KCNA6: variants seen among roughly 807,000 people sequenced by gnomAD.
KCNA6 encodes the protein human brain potassium channel-2.
KCNA6 carries 17 observed loss-of-function variants against 29.5 expected under a neutral mutation model. That is an observed-to-expected ratio of 0.58 (90% CI 0.39 to 0.86). KCNA6 has a LOEUF of 0.86. Ranked by LOEUF, KCNA6 falls within the 40% of genes least tolerant of loss-of-function variation. KCNA6 has a pLI of 0.00. For missense variants in KCNA6, 450 were observed against 703.4 expected (o/e 0.64, Z 4.07); for synonymous variants, 296 against 304.7 (o/e 0.97, Z 0.30).
chr12:4,819,029 T>C, the KCNA6 span, among the ~76,000 whole-genome samples: 719 of 152,230 alleles, frequency 4.7e-3, 5 homozygotes, highest in African/African-American at 0.016. Flanking sequence ...CATATGCACA[T>C]GTATACACAC....
chr12:4,849,002 C>A, the KCNA6 span, among the ~76,000 whole-genome samples: 1 of 144,304 alleles, frequency 6.9e-6, no homozygotes, highest in Admixed American at 7.1e-5. Context: ...CGCCTGTAAT[C>A]CCGGCTACTC....
chr12:4,844,810 C>A, the KCNA6 span, among the ~76,000 whole-genome samples: 3 of 152,178 alleles, frequency 2.0e-5, no homozygotes, highest in Non-Finnish European at 4.4e-5. The surrounding 1 kb of genome is among the most constrained non-coding windows in gnomAD (Gnocchi z 4.0). Flanking sequence ...TTATCACTAT[C>A]AAAGACTATT....
At chr12:4,809,942 C>A (rs1339493854) in exon 1 of KCNA6, 1 of 1,402,164 alleles carries the variant, frequency 7.1e-7, no homozygotes, top group Non-Finnish European at 9.4e-7. Context: ...GGGCCCCACC[C>A]TAAAGAGGGC....
At chr12:4,844,180 C>T in the KCNA6 span, among the ~76,000 whole-genome samples, 31 of 152,318 alleles carry the variant, frequency 2.0e-4, no homozygotes, top group African/African-American at 6.5e-4. The surrounding 1 kb of genome is among the most constrained non-coding windows in gnomAD (Gnocchi z 4.0). Context: ...ATGGATGCAT[C>T]GGCAAACAAA....
Position 4,810,389 on chromosome 12 carries a change from T to C in KCNA6, c.348T>C (p.Ile116=). 1 of 1,614,130 alleles carries C rather than the reference T, an allele frequency of 6.2e-7. No individual in the cohort carries two copies. Among genetic ancestry groups the C allele is most frequent in the Admixed American group, 1.7e-5 (1 of 60,028 alleles). Residue 116 remains isoleucine (I), a synonymous_variant, in exon 1 of 1, where the codon ATT becomes ATC. Coordinates refer to ENST00000280684, the Ensembl canonical transcript of KCNA6. The surrounding 1 kb of genome is among the most constrained non-coding windows in gnomAD (Gnocchi z 7.5). ...GGCCGGTCAACGTGCCCCTGGACAT[T>C]TTCCTGGAGGAGATCCGCTTCTACC...
At chr12:4,850,681 C>T in the KCNA6 span, 54 of 383,772 alleles carry the variant, frequency 1.4e-4, no homozygotes, top group East Asian at 2.5e-3. The surrounding 1 kb of genome is among the most constrained non-coding windows in gnomAD (Gnocchi z 5.4). Flanking sequence ...ATCCCTCATG[C>T]GACACAACCT....
At chr12:4,814,586 C>T (rs1946664065), downstream of KCNA6, 2 of 167,122 alleles carry the variant, frequency 1.2e-5, no homozygotes, top group Admixed American at 1.3e-4. The surrounding 1 kb of genome is among the most constrained non-coding windows in gnomAD (Gnocchi z 4.6). Flanking sequence ...GTGCCTTGAG[C>T]ACCAAGAGAA....
At chr12:4,836,886 G>A in the KCNA6 span, among the ~76,000 whole-genome samples, 3 of 152,220 alleles carry the variant, frequency 2.0e-5, no homozygotes, top group East Asian at 5.8e-4. Flanking sequence ...GCTTATAATT[G>A]CTAGTGATAT....
the KCNA6 span, among the ~76,000 whole-genome samples, chr12:4,827,229 C>CTTCCTTCCTTCCT: frequency 1.5e-5 from 1 of 65,020 alleles, no homozygotes; most frequent in Admixed American, 1.8e-4. Flanking sequence ...TCCTTCCTTC[C>CTTCCTTCCTTCCT]TCCTTCCTTC....
chr12:4,841,224 C>T, the KCNA6 span, among the ~76,000 whole-genome samples: 1 of 152,246 alleles, frequency 6.6e-6, no homozygotes, highest in East Asian at 1.9e-4. Flanking sequence ...GACAGATGAG[C>T]ATTCTCATGG....
At chr12:4,825,146 T>C in the KCNA6 span, among the ~76,000 whole-genome samples, 1 of 152,318 alleles carries the variant, frequency 6.6e-6, no homozygotes, top group Non-Finnish European at 1.5e-5. Flanking sequence ...CACTTTAAAC[T>C]TCCTTCCTCC....
Position 4,810,968 on chromosome 12 carries a change from C to A in KCNA6, c.927C>A (p.Ile309=), listed in dbSNP as rs951315925. The change falls in exon 1 of 1, where the codon ATC becomes ATA. Residue 309 remains isoleucine (I), a synonymous_variant. Coordinates refer to ENST00000280684, the Ensembl canonical transcript of KCNA6. This position sits in a 1 kb window ranked among gnomAD's most constrained non-coding sequence, Gnocchi z 7.5. Reference sequence around the variant, plus strand: ...TGGTGGCTATCTTCCCCTACTTCATCACCCTGGGCACTGAGCTGGTGCAGC... The same window carrying A: ...TGGTGGCTATCTTCCCCTACTTCATAACCCTGGGCACTGAGCTGGTGCAGC... 3.7e-6 allele frequency: 6 copies of A among 1,614,154 alleles called. No individual in the cohort carries two copies. The Admixed American group carries it at 6.7e-5, about 18-fold the overall frequency.
the KCNA6 span, among the ~76,000 whole-genome samples, chr12:4,827,659 T>C: frequency 6.6e-6 from 1 of 152,210 alleles, no homozygotes; most frequent in African/African-American, 2.4e-5. Flanking sequence ...CATTCGATTG[T>C]AGTGCCTAGG....
chr12:4,825,594 T>C, the KCNA6 span, among the ~76,000 whole-genome samples: 1 of 152,216 alleles, frequency 6.6e-6, no homozygotes, highest in Non-Finnish European at 1.5e-5. Flanking sequence ...GTTGGACCAT[T>C]CTGTGGCTTC....
chr12:4,843,023 A>G, the KCNA6 span, among the ~76,000 whole-genome samples: 2 of 152,148 alleles, frequency 1.3e-5, no homozygotes, highest in African/African-American at 2.4e-5. Context: ...TTGGGAATCA[A>G]TTGGAGGTGG....
chr12:4,810,425 C>G lies in KCNA6; in HGVS notation c.384C>G (p.Asp128Glu). The G allele has an allele frequency of 6.2e-7, 1 of 1,614,096 alleles. No homozygotes were observed. The highest frequency in any genetic ancestry group is 8.5e-7 in the Non-Finnish European group (1 of 1,179,994). Residue 128 changes from aspartate to glutamate, a missense_variant, in exon 1 of 1, where the codon GAC becomes GAG. Asp to Glu is a conservative substitution (Grantham distance 45). This residue lies in a region of KCNA6 where 133 missense variants were observed against 217.5 expected (regional missense o/e 0.61). Transcript: ENST00000280684. The surrounding 1 kb of genome is among the most constrained non-coding windows in gnomAD (Gnocchi z 7.5). ...AGATCCGCTTCTACCAGCTGGGGGA[C>G]GAGGCCCTGGCGGCCTTCCGGGAGG... is the stretch of plus-strand genomic sequence containing the variant.
chr12:4,811,358 C>G lies in KCNA6; in HGVS notation c.1317C>G (p.Gly439=), dbSNP rs61731170. 2 of 1,614,020 alleles carry G rather than the reference C, an allele frequency of 1.2e-6. No homozygotes were observed. The highest frequency in any genetic ancestry group is 1.7e-5 in the Admixed American group (1 of 60,026). The change falls in exon 1 of 1, where the codon GGC becomes GGG. Residue 439 remains glycine, a synonymous_variant. Transcript: ENST00000280684. The surrounding 1 kb of genome is among the most constrained non-coding windows in gnomAD (Gnocchi z 7.1). ...TGACTGTGGGGGGAAAGATCGTGGG[C>G]TCGCTGTGTGCCATCGCTGGGGTCC... is the stretch of plus-strand genomic sequence containing the variant.
the KCNA6 span, among the ~76,000 whole-genome samples, chr12:4,837,637 T>G: frequency 1.3e-5 from 2 of 152,102 alleles, no homozygotes; most frequent in Admixed American, 1.3e-4. Context: ...CTGTGCTGAT[T>G]GTTGTGGTGT....
chr12:4,845,001 A>C, the KCNA6 span, among the ~76,000 whole-genome samples: 2 of 152,184 alleles, frequency 1.3e-5, no homozygotes, highest in East Asian at 1.9e-4. Context: ...GATCAGATGC[A>C]TCAGGCTCTG....
Sources: gnomAD v4.1 joint callset for allele counts (sites outside exome capture counted in the v4.1 genomes callset) on GRCh38, gnomAD v4.1.1 for gene constraint, gnomAD v4.1.1 regional missense constraint, Gnocchi (gnomAD v3.1) non-coding constraint, MANE v1.5 for transcripts, NCBI Gene and HGNC (gene_info 2026-07-23, HGNC 2026-07-21) for gene names.